Variants in DMD observed in about 807,000 individuals in gnomAD.
The protein encoded by DMD is mutant dystrophin.
In DMD, 63 loss-of-function variants were observed where a neutral mutation model predicts 330.1. The observed-to-expected ratio is 0.19, with a 90% CI of 0.16 to 0.24. The LOEUF is 0.24. DMD is among the 10% of genes least tolerant of loss of function. The pLI is 1.00. For missense variants in DMD, 3,344 were observed against 2,684.1 expected (o/e 1.25, Z -5.43); for synonymous variants, 1,223 against 959.8 (o/e 1.27, Z -5.07).
At chrX:31,986,728 T>A (rs1255483348) in intron 44 of DMD, among the ~76,000 whole-genome samples, 2 of 112,314 alleles carry the variant, frequency 1.8e-5, no homozygotes, top group Non-Finnish European at 1.9e-5. Flanking sequence ...TTAATACTTT[T>A]GTGTATTTTC....
At chrX:31,821,102 A>G (rs992361628) in intron 49 of DMD, among the ~76,000 whole-genome samples, 6 of 107,365 alleles carry the variant, frequency 5.6e-5, no homozygotes, top group African/African-American at 2.0e-4. Flanking sequence ...AGGTTTCCAC[A>G]TTTTTTTTCC....
chrX:33,010,200 ATATGTGTGTGTATATG>A (rs1193066967), intron 2 of DMD, among the ~76,000 whole-genome samples: 35 of 93,652 alleles, frequency 3.7e-4, no homozygotes, highest in African/African-American at 1.8e-3. Flanking sequence ...GTATATATGC[ATATGTGTGTGTATATG>A]TACATATGTG....
intron 47 of DMD, among the ~76,000 whole-genome samples, chrX:31,926,529 A>T (rs2149970590): frequency 9.1e-6 from 1 of 110,064 alleles, no homozygotes; most frequent in African/African-American, 3.3e-5. Context: ...TACAAAAATT[A>T]GTTGGGTGTG....
intron 57 of DMD, among the ~76,000 whole-genome samples, chrX:31,485,481 C>T (rs2068721210): frequency 8.9e-6 from 1 of 111,996 alleles, no homozygotes; most frequent in South Asian, 3.7e-4. Flanking sequence ...CAAGTGTGAG[C>T]CACCACACCT....
At chrX:32,341,909 G>C (rs966090688) in intron 41 of DMD, among the ~76,000 whole-genome samples, 191 bp downstream of exon 41, 2 of 111,116 alleles carry the variant, frequency 1.8e-5, no homozygotes, top group Non-Finnish European at 3.8e-5. Context: ...AATTTCTTGT[G>C]TCTTTAATTG....
intron 1 of DMD, among the ~76,000 whole-genome samples, chrX:33,233,868 G>T (rs1456875859): frequency 8.9e-6 from 1 of 112,358 alleles, no homozygotes; most frequent in Non-Finnish European, 1.9e-5. Context: ...TATAATGTTT[G>T]AATATAATTT....
chrX:31,665,202 T>C (rs2081359287), intron 53 of DMD, among the ~76,000 whole-genome samples: 1 of 112,066 alleles, frequency 8.9e-6, no homozygotes, highest in East Asian at 2.8e-4. Context: ...ACTGGGTTTA[T>C]TTTAACTGAG....
intron 74 of DMD, among the ~76,000 whole-genome samples, chrX:31,157,192 C>T (rs912663464): frequency 5.4e-5 from 6 of 111,795 alleles, no homozygotes; most frequent in African/African-American, 1.6e-4. Context: ...GTCATTGACA[C>T]GTAGATCTGT....
At chrX:31,712,479 C>A (rs144877632) in intron 52 of DMD, among the ~76,000 whole-genome samples, 78 of 111,640 alleles carry the variant, frequency 7.0e-4, no homozygotes, top group African/African-American at 2.3e-3. Context: ...TTACCACACA[C>A]TTTGAAAAGC....
chrX:32,586,703 T>C (rs2054329295), intron 13 of DMD, among the ~76,000 whole-genome samples: 1 of 110,568 alleles, frequency 9.0e-6, no homozygotes, highest in Admixed American at 9.7e-5. Context: ...ATTTCTACTA[T>C]GAATTTGAGA....
chrX:31,497,039 G>A, intron 56 of DMD, 95 bp from the exon 57 acceptor site: 1 of 1,013,671 alleles, frequency 9.9e-7, no homozygotes. Context: ...AACCTATTGT[G>A]AACTACAAAG....
intron 1 of DMD, among the ~76,000 whole-genome samples, chrX:33,299,501 C>T (rs1373781996): frequency 9.0e-6 from 1 of 111,425 alleles, no homozygotes; most frequent in Admixed American, 9.6e-5. Flanking sequence ...AACTTGACTC[C>T]GTGCAGATTC....
intron 56 of DMD, among the ~76,000 whole-genome samples, chrX:31,500,638 G>T (rs2070341336): frequency 1.8e-5 from 2 of 111,880 alleles, no homozygotes; most frequent in Non-Finnish European, 3.8e-5. Flanking sequence ...GTTTGCATGT[G>T]GAATATCTCC....
intron 2 of DMD, among the ~76,000 whole-genome samples, chrX:33,001,652 T>C (rs1018940666): frequency 1.8e-5 from 2 of 111,347 alleles, no homozygotes; most frequent in Admixed American, 9.6e-5. Flanking sequence ...TAGAAAAGAA[T>C]TGGTTGAAGA....
At chrX:31,564,392 T>C (rs937892429) in intron 55 of DMD, among the ~76,000 whole-genome samples, 2 of 111,780 alleles carry the variant, frequency 1.8e-5, no homozygotes, top group Non-Finnish European at 3.8e-5. Context: ...TGCATATATA[T>C]AGAAAACAGA....
chrX:32,003,032 G>C (rs906830549), intron 44 of DMD, among the ~76,000 whole-genome samples: 1 of 111,725 alleles, frequency 9.0e-6, no homozygotes, highest in Non-Finnish European at 1.9e-5. Context: ...CTCCTTCAGA[G>C]CATATTTTCA....
intron 62 of DMD, among the ~76,000 whole-genome samples, chrX:31,307,206 T>G (rs182901789): frequency 8.9e-6 from 1 of 111,795 alleles, no homozygotes; most frequent in Non-Finnish European, 1.9e-5. Flanking sequence ...GTCAGATAAC[T>G]TCTCAGAAAA....
intron 1 of DMD, among the ~76,000 whole-genome samples, chrX:33,338,223 T>C (rs1186061518): frequency 9.0e-6 from 1 of 111,191 alleles, no homozygotes; most frequent in Non-Finnish European, 1.9e-5. Flanking sequence ...TGACAGCATG[T>C]GAAGATAGGT....
At chrX:31,587,601 G>A (rs774334420) in intron 55 of DMD, among the ~76,000 whole-genome samples, 5 of 112,001 alleles carry the variant, frequency 4.5e-5, no homozygotes, top group South Asian at 7.4e-4. Flanking sequence ...AGTGCCTCTC[G>A]TTGGCAGTGA....
Sources: gnomAD v4.1 joint callset for allele counts (sites outside exome capture counted in the v4.1 genomes callset) on GRCh38, gnomAD v4.1.1 for gene constraint, MANE v1.5 for transcripts, NCBI Gene and HGNC (gene_info 2026-07-23, HGNC 2026-07-21) for gene names.